The following RAI1 variants were observed in gnomAD, a reference collection of about 807,000 sequenced individuals.
The protein encoded by RAI1 is retinoic acid-induced protein 1.
Under a neutral mutation model 123.8 loss-of-function variants are expected in RAI1, and 9 were observed. The ratio of observed to expected loss-of-function variants is 0.07; its 90% CI spans 0.04 to 0.13. The LOEUF (loss-of-function observed/expected upper bound fraction) is 0.13, where lower values mean the gene tolerates loss of function less well. Ranked by LOEUF, RAI1 falls within the 10% of genes least tolerant of loss-of-function variation. RAI1 has a pLI of 1.00. For synonymous variants in RAI1, 1,231 were observed against 1,127.3 expected, an observed-to-expected ratio of 1.09 and a Z score of -1.84; for missense variants, 2,256 against 2,545.8, an observed-to-expected ratio of 0.89 and a Z score of 2.45.
intron 1 of RAI1, among the ~76,000 whole-genome samples, chr17:17,692,368 A>C (rs1368499679): frequency 6.6e-6 from 1 of 152,208 alleles, no homozygotes; most frequent in Non-Finnish European, 1.5e-5. Context: ...TTGGATGCTG[A>C]AAGGGATGGA....
At chr17:17,740,954 G>A (rs1441609090) in intron 2 of RAI1, among the ~76,000 whole-genome samples, 1 of 150,028 alleles carries the variant, frequency 6.7e-6, no homozygotes, top group Non-Finnish European at 1.5e-5. Context: ...GGGAGGCCGT[G>A]GGCGGGTGGG....
chr17:17,746,722 G>A (rs1456501635), intron 2 of RAI1, among the ~76,000 whole-genome samples: 1 of 133,846 alleles, frequency 7.5e-6, no homozygotes, highest in Non-Finnish European at 1.5e-5. Flanking sequence ...CACAACCTCC[G>A]CCTCCCAGGT....
intron 1 of RAI1, among the ~76,000 whole-genome samples, chr17:17,686,333 G>C (rs911045800): frequency 6.6e-6 from 1 of 151,974 alleles, no homozygotes; most frequent in African/African-American, 2.4e-5. Context: ...CGGGGGGCAG[G>C]GGGAGGTGGC....
At chr17:17,695,657 G>T (rs1323958238) in intron 1 of RAI1, among the ~76,000 whole-genome samples, 1 of 152,098 alleles carries the variant, frequency 6.6e-6, no homozygotes, top group Non-Finnish European at 1.5e-5. Context: ...CTCCCGAGTA[G>T]CTGAGATTAC....
chr17:17,742,547 G>A (rs959930157), intron 2 of RAI1, among the ~76,000 whole-genome samples: 2 of 152,164 alleles, frequency 1.3e-5, no homozygotes, highest in Admixed American at 1.3e-4. Flanking sequence ...CCTAAGCTCT[G>A]GCACTGAATT....
intron 2 of RAI1, among the ~76,000 whole-genome samples, chr17:17,753,081 G>T (rs780642987): frequency 5.9e-5 from 9 of 152,252 alleles, no homozygotes; most frequent in Non-Finnish European, 1.3e-4. Context: ...TGTCTCCAAA[G>T]CCAGGGCACT....
At chr17:17,682,816 C>G (rs1914485674) in intron 1 of RAI1, among the ~76,000 whole-genome samples, 1 of 152,008 alleles carries the variant, frequency 6.6e-6, no homozygotes. Context: ...GTGCGGGCTG[C>G]CGCGGTGCTC....
chr17:17,704,021 G>A (rs1051725987), intron 1 of RAI1, among the ~76,000 whole-genome samples: 4 of 152,086 alleles, frequency 2.6e-5, no homozygotes, highest in Non-Finnish European at 2.9e-5. Flanking sequence ...AGGGCAGCCC[G>A]GCTCCTCGGG....
At chr17:17,723,510 C>T (rs1205401461) in intron 1 of RAI1, among the ~76,000 whole-genome samples, 1 of 151,848 alleles carries the variant, frequency 6.6e-6, no homozygotes, top group Non-Finnish European at 1.5e-5. Context: ...CTTTGACATA[C>T]ACACGCCTGC....
rs1208279115 is a variant in RAI1 at position 17,796,205 on chromosome 17, G to T, written c.3257G>T (p.Gly1086Val). 1 of 1,554,128 alleles carries T rather than the reference G, an allele frequency of 6.4e-7. No homozygotes were observed. Among genetic ancestry groups the T allele is most frequent in the Non-Finnish European group, 8.7e-7 (1 of 1,149,524 alleles). ...TTPAPPDKLG[G>V]KQRAAFKSGK... Reference sequence around the variant, plus strand: ...CCTGCACCCCCAGACAAACTGGGGGGCAAGCAGCGAGCCGCCTTCAAGTCG... The same window carrying T: ...CCTGCACCCCCAGACAAACTGGGGGTCAAGCAGCGAGCCGCCTTCAAGTCG... The change falls in exon 3 of 6, where the codon GGC becomes GTC. Residue 1086 changes from glycine (G) to valine (V), a missense_variant. Gly to Val is a moderately radical substitution (Grantham distance 109, BLOSUM62 -3). Transcript: ENST00000353383. The surrounding 1 kb of genome is among the most constrained non-coding windows in gnomAD (Gnocchi z 5.8).
At chr17:17,722,377 A>G (rs1487838287) in intron 1 of RAI1, among the ~76,000 whole-genome samples, 2 of 152,192 alleles carry the variant, frequency 1.3e-5, no homozygotes, top group Non-Finnish European at 2.9e-5. Flanking sequence ...AGCTGCACTC[A>G]GAACCCCCCT....
rs369789562 is a variant in RAI1 at position 17,798,255 on chromosome 17, G to A, written c.5307G>A (p.Leu1769=). Residue 1769 remains leucine (L), a synonymous_variant, in exon 3 of 6, where the codon CTG becomes CTA. Coordinates refer to ENST00000353383, the MANE Select transcript of RAI1 (RefSeq NM_030665.4). ...CTGACCCGGCCAAGCAGGGCCCACTGCGCACCAGTGCCCGGGGCCTGTCCC... is the reference window on the plus strand; with the variant it reads ...CTGACCCGGCCAAGCAGGGCCCACTACGCACCAGTGCCCGGGGCCTGTCCC... ...GPADPAKQGP[L]RTSARGLSRR... is the part of the protein sequence containing the mutation. The A allele has an allele frequency of 8.0e-5, 129 of 1,605,428 alleles. No homozygotes were observed. The East Asian group carries it at 2.8e-3, about 34-fold the overall frequency.
At position 17,741,093 on chromosome 17, in the gene RAI1, A is replaced by G. The variant is rs568409568; in HGVS notation, c.-17+16934A>G. 1.9e-3 allele frequency among the ~76,000 whole-genome samples: 283 copies of G among 147,582 alleles called. 3 individuals are homozygous for G. The highest frequency in any genetic ancestry group is 0.011 in the South Asian group (52 of 4,662). On this transcript the variant is annotated intron_variant, in intron 2 of 5. Transcript: ENST00000353383. Reference sequence around the variant, plus strand: ...TAGTATTCAGCACAAGCGCGCGCGCACACACACACACACACACACTCGCGC... The same window carrying G: ...TAGTATTCAGCACAAGCGCGCGCGCGCACACACACACACACACACTCGCGC...
chr17:17,777,169 CGGGCCCAGGTTAGAGG>C (rs2031376749), intron 2 of RAI1: 1 of 152,168 alleles, frequency 6.6e-6, no homozygotes, highest in Non-Finnish European at 1.5e-5. Context: ...CAGATGACTT[CGGGCCCAGGTTAGAGG>C]GCACATGTAA....
At chr17:17,781,534 G>C (rs1399643454) in intron 2 of RAI1, among the ~76,000 whole-genome samples, 2 of 151,748 alleles carry the variant, frequency 1.3e-5, no homozygotes, top group Admixed American at 1.3e-4. Flanking sequence ...ACTGGGGGCG[G>C]AGGGTAGTCT....
rs1266686695 is a variant in RAI1 at position 17,810,058 on chromosome 17, C to T, written c.*77C>T. The T allele has an allele frequency of 6.5e-7, 1 of 1,531,802 alleles. No individual in the cohort carries two copies. The highest frequency in any genetic ancestry group is 1.4e-5 in the African/African-American group (1 of 72,356). The allele number at this position is 1,531,802 out of a possible 1,614,324, so 94.9% of individuals were successfully genotyped here. A position where few individuals can be genotyped will look rare whatever the true frequency, so the allele number is the denominator to read the frequency against. ...CGCCGAAGGAGAGGAGCCGCCTGCG[C>T]AGCCCCCGGGCCTTTGAGCTGCTCC... On this transcript the variant is annotated 3_prime_UTR_variant, in exon 6 of 6. Transcript: ENST00000353383. The surrounding 1 kb of genome is among the most constrained non-coding windows in gnomAD (Gnocchi z 4.6).
rs2032423224 is a variant in RAI1, at chr17:17,800,436, G to T, written c.5565+1923G>T. 6.6e-6 allele frequency among the ~76,000 whole-genome samples: 1 copy of T among 152,162 alleles called. No individual in the cohort carries two copies. The highest frequency in any genetic ancestry group is 2.4e-5 in the African/African-American group (1 of 41,438). On this transcript the variant is annotated intron_variant, in intron 3 of 5. Coordinates refer to ENST00000353383, the MANE Select transcript of RAI1 (RefSeq NM_030665.4). This position sits in a 1 kb window ranked among gnomAD's most constrained non-coding sequence, Gnocchi z 4.7. ...TCACGTCCCACCAGGCTGAGATCAG[G>T]TCGTCTCCACATCCCCTGCAGCCAG...
intron 2 of RAI1, among the ~76,000 whole-genome samples, chr17:17,783,180 GCAGCGAC>G (rs1309188677): frequency 1.3e-5 from 2 of 152,130 alleles, no homozygotes; most frequent in African/African-American, 2.4e-5. Context: ...CCTGGCGCCT[GCAGCGAC>G]CGGGGACCGG....
At chr17:17,711,901 AG>A (rs1294542889) in intron 1 of RAI1, among the ~76,000 whole-genome samples, 1 of 152,242 alleles carries the variant, frequency 6.6e-6, no homozygotes, top group African/African-American at 2.4e-5. Context: ...GAATGTCCCC[AG>A]GCCCAGCCCT....
Sources: gnomAD v4.1 joint callset for allele counts (sites outside exome capture counted in the v4.1 genomes callset) on GRCh38, gnomAD v4.1.1 for gene constraint, Gnocchi (gnomAD v3.1) non-coding constraint, MANE v1.5 for transcripts, NCBI Gene and HGNC (gene_info 2026-07-23, HGNC 2026-07-21) for gene names.